RBFOX3: variants seen among roughly 807,000 people sequenced by gnomAD.
The protein encoded by RBFOX3 is RNA binding fox-1 homolog 3.
Under a neutral mutation model 48.7 loss-of-function variants are expected in RBFOX3, and 17 were observed. The observed-to-expected ratio is 0.35, with a 90% CI of 0.24 to 0.52. The LOEUF is 0.52. RBFOX3 is among the 20% of genes least tolerant of loss of function. The probability of loss-of-function intolerance (pLI) is 0.94; values close to 1 mark genes in which losing one functional copy is unlikely to be tolerated. For synonymous variants in RBFOX3, 212 were observed against 209.5 expected, an observed-to-expected ratio of 1.01 and a Z score of -0.10; for missense variants, 382 against 497.5, an observed-to-expected ratio of 0.77 and a Z score of 2.21.
chr17:79,312,753 G>A (rs2077027478), intron 2 of RBFOX3, among the ~76,000 whole-genome samples: 1 of 152,160 alleles, frequency 6.6e-6, no homozygotes, highest in Admixed American at 6.5e-5. Flanking sequence ...GATTTTATTG[G>A]CTTAATAAAC....
chr17:79,225,262 C>A (rs986375431), intron 4 of RBFOX3, among the ~76,000 whole-genome samples: 5 of 151,494 alleles, frequency 3.3e-5, no homozygotes, highest in Admixed American at 6.6e-5. Context: ...CCAGTCCCCT[C>A]CCCAGCACTG....
chr17:79,581,735 C>G (rs1369311071), intron 1 of RBFOX3, among the ~76,000 whole-genome samples: 3 of 152,252 alleles, frequency 2.0e-5, no homozygotes, highest in African/African-American at 4.8e-5. Context: ...CCACCTGCTC[C>G]GGACCTGGCA....
At chr17:79,217,942 C>T (rs754588525) in intron 4 of RBFOX3, among the ~76,000 whole-genome samples, 52 of 152,010 alleles carry the variant, frequency 3.4e-4, no homozygotes, top group East Asian at 3.9e-4. Flanking sequence ...GAGAAGTTAG[C>T]GCTCTGTGTT....
At chr17:79,463,463 A>ACTG in intron 2 of RBFOX3, among the ~76,000 whole-genome samples, 1 of 76,694 alleles carries the variant, frequency 1.3e-5, no homozygotes. Context: ...CACCGCCATC[A>ACTG]CCACTGCCAC....
intron 2 of RBFOX3, among the ~76,000 whole-genome samples, chr17:79,315,825 G>A (rs746489450): frequency 9.9e-5 from 15 of 152,210 alleles, no homozygotes; most frequent in African/African-American, 2.4e-4. Context: ...CTTAAATGGC[G>A]CGCCGAGGGG....
At chr17:79,593,010 A>C (rs2093467159) in intron 1 of RBFOX3, among the ~76,000 whole-genome samples, 1 of 151,776 alleles carries the variant, frequency 6.6e-6, no homozygotes, top group Non-Finnish European at 1.5e-5. Flanking sequence ...ACCGGGTGAA[A>C]AGCCTGAGTG....
At position 79,180,595 on chromosome 17, in the gene RBFOX3, G is replaced by A. The variant is rs996185208; in HGVS notation, c.-34+55171C>T. On this transcript the variant is annotated intron_variant, in intron 4 of 14. Transcript: ENST00000693108. ...CCCTCCTCCTGTGGCCTTTACCTCC[G>A]GGGGCTGCTGCAGGCTCTGGCTCAT... Among the ~76,000 whole-genome samples, 39 of 152,142 alleles carry A rather than the reference G, an allele frequency of 2.6e-4. 1 individual carries two copies. Among genetic ancestry groups the A allele is most frequent in the African/African-American group, 2.4e-5 (1 of 41,452 alleles).
chr17:79,601,215 G>C (rs2093698108), intron 1 of RBFOX3: 2 of 152,230 alleles, frequency 1.3e-5, no homozygotes, highest in African/African-American at 4.8e-5. Context: ...GCATTCCCTT[G>C]CCAGGCTATA....
chr17:79,334,141 AC>A (rs554624453), intron 2 of RBFOX3, among the ~76,000 whole-genome samples: 93 of 152,126 alleles, frequency 6.1e-4, no homozygotes, highest in African/African-American at 2.2e-3. Flanking sequence ...TCTACCATCC[AC>A]CCATTCCTAG....
At chr17:79,264,911 G>T (rs150610827) in intron 3 of RBFOX3, among the ~76,000 whole-genome samples, 188 of 152,102 alleles carry the variant, frequency 1.2e-3, no homozygotes, top group African/African-American at 4.2e-3. Context: ...AGAACATGGG[G>T]AAGTGTCCGG....
At chr17:79,599,142 G>T (rs1199765350) in intron 1 of RBFOX3, 1 of 152,238 alleles carries the variant, frequency 6.6e-6, no homozygotes, top group Non-Finnish European at 1.5e-5. Flanking sequence ...CACCCACGGG[G>T]GCAAGTTTCC....
intron 4 of RBFOX3, among the ~76,000 whole-genome samples, chr17:79,161,050 A>C (rs1389084903): frequency 6.6e-6 from 1 of 151,976 alleles, no homozygotes; most frequent in Non-Finnish European, 1.5e-5. Flanking sequence ...ACACCCAGGC[A>C]AGGAAGATGT....
the RBFOX3 span, among the ~76,000 whole-genome samples, chr17:79,635,238 G>A: frequency 6.6e-6 from 1 of 152,038 alleles, no homozygotes; most frequent in African/African-American, 2.4e-5. Context: ...GGGCTGGAGG[G>A]GGCATGGAAG....
At chr17:79,498,709 G>C (rs1174691867) in intron 1 of RBFOX3, among the ~76,000 whole-genome samples, 8 of 103,504 alleles carry the variant, frequency 7.7e-5, no homozygotes, top group South Asian at 3.2e-4. Flanking sequence ...TACTCATGCA[G>C]CCATCCTTCC....
intron 1 of RBFOX3, among the ~76,000 whole-genome samples, chr17:79,483,422 C>T (rs1315555334): frequency 6.9e-6 from 1 of 145,618 alleles, no homozygotes; most frequent in Non-Finnish European, 1.5e-5. Context: ...GAATGCTCTT[C>T]CCTGCACAAT....
intron 3 of RBFOX3, among the ~76,000 whole-genome samples, chr17:79,293,456 C>CG: frequency 9.0e-6 from 1 of 110,898 alleles, no homozygotes; most frequent in African/African-American, 4.1e-5. Context: ...TCCTTCCTTC[C>CG]TTCCTTCCTT....
chr17:79,403,788 T>TTC (rs1299422079), intron 2 of RBFOX3, among the ~76,000 whole-genome samples: 1 of 146,892 alleles, frequency 6.8e-6, no homozygotes, highest in Non-Finnish European at 1.5e-5. Context: ...TTTTCTTTTT[T>TTC]TTTTTTTTTT....
rs2038212768 is a variant in RBFOX3 at position 79,129,421 on chromosome 17, G to A, written c.-33-13673C>T. Among the ~76,000 whole-genome samples, 4 of 103,680 alleles carry A rather than the reference G, an allele frequency of 3.9e-5. 1 individual carries two copies. Among genetic ancestry groups the A allele is most frequent in the Non-Finnish European group, 9.4e-5 (4 of 42,648 alleles). The allele number at this position is 103,680 out of a possible 152,430, so 68.0% of individuals were successfully genotyped here. ...TTTCCAATCCGGAGTAAGAGGGTGT[G>A]CCCTAGAGACCCAGGGGAGGAAGGA... On this transcript the variant is annotated intron_variant, in intron 4 of 14. Transcript: ENST00000693108.
chr17:79,189,160 C>T (rs145616366), intron 4 of RBFOX3, among the ~76,000 whole-genome samples: 1 of 152,210 alleles, frequency 6.6e-6, no homozygotes, highest in Non-Finnish European at 1.5e-5. Context: ...GTAACAATAC[C>T]TTGTATCTGC....
Sources: gnomAD v4.1 joint callset for allele counts (sites outside exome capture counted in the v4.1 genomes callset) on GRCh38, gnomAD v4.1.1 for gene constraint, MANE v1.5 for transcripts, NCBI Gene and HGNC (gene_info 2026-07-23, HGNC 2026-07-21) for gene names.